SGCD: variants seen among roughly 807,000 people sequenced by gnomAD.
The protein encoded by SGCD is sarcoglycan delta, also known as delta-sarcoglycan.
In SGCD, 18 loss-of-function variants were observed where a neutral mutation model predicts 36.6. That is an observed-to-expected ratio of 0.49 (90% CI 0.34 to 0.73). The LOEUF (loss-of-function observed/expected upper bound fraction) is 0.73. Ranked by LOEUF, SGCD falls within the 30% of genes least tolerant of loss-of-function variation. SGCD has a pLI of 0.01. For missense variants in SGCD, 387 were observed against 346.7 expected (o/e 1.12, Z -0.92); for synonymous variants, 133 against 130.6 (o/e 1.02, Z -0.12).
intron 1 of SGCD, among the ~76,000 whole-genome samples, chr5:155,949,131 A>G (rs930196995): frequency 1.3e-5 from 2 of 152,178 alleles, no homozygotes; most frequent in Non-Finnish European, 2.9e-5. Flanking sequence ...CAAGATACAG[A>G]AAGACATCTA....
intron 3 of SGCD, among the ~76,000 whole-genome samples, chr5:156,236,194 T>C (rs1765159528): frequency 6.6e-6 from 1 of 152,202 alleles, no homozygotes; most frequent in Admixed American, 6.5e-5. Flanking sequence ...AATCATTTTT[T>C]TTTCTCAGAT....
chr5:156,285,089 T>A (rs1257177122), intron 3 of SGCD, among the ~76,000 whole-genome samples: 1 of 151,936 alleles, frequency 6.6e-6, no homozygotes, highest in Non-Finnish European at 1.5e-5. Context: ...TCAAAGACAA[T>A]AAAATACTTA....
chr5:155,962,499 T>C (rs998825939), intron 1 of SGCD, among the ~76,000 whole-genome samples: 3 of 152,094 alleles, frequency 2.0e-5, no homozygotes, highest in Non-Finnish European at 4.4e-5. Context: ...CCTTCTCCTA[T>C]GAGTCCTGCA....
intron 4 of SGCD, among the ~76,000 whole-genome samples, chr5:156,572,353 A>G (rs1759757327): frequency 6.6e-6 from 1 of 152,206 alleles, no homozygotes; most frequent in Non-Finnish European, 1.5e-5. Context: ...GCACCCTTTT[A>G]CATTCCCACC....
intron 1 of SGCD, among the ~76,000 whole-genome samples, chr5:156,020,869 T>G (rs1229457598): frequency 2.0e-5 from 3 of 152,248 alleles, no homozygotes; most frequent in African/African-American, 7.2e-5. Flanking sequence ...GCATTTGAAC[T>G]TCCTCCTAAC....
chr5:156,726,172 G>T (rs545301999), intron 7 of SGCD, among the ~76,000 whole-genome samples: 2 of 152,232 alleles, frequency 1.3e-5, no homozygotes, highest in South Asian at 4.1e-4. Context: ...AGAACTATTT[G>T]CATCTTGTTT....
chr5:156,602,949 C>T (rs1249333073), intron 6 of SGCD, among the ~76,000 whole-genome samples: 2 of 152,010 alleles, frequency 1.3e-5, no homozygotes, highest in African/African-American at 4.8e-5. Flanking sequence ...GTGATGCTGG[C>T]CTTGTAACAT....
intron 3 of SGCD, among the ~76,000 whole-genome samples, chr5:156,417,827 A>C (rs1773124483): frequency 6.6e-6 from 1 of 152,130 alleles, no homozygotes; most frequent in Admixed American, 6.5e-5. Flanking sequence ...AGGTATCTAC[A>C]CAGGAACTGA....
rs562373750 is a variant in SGCD at position 156,491,027 on chromosome 5, G to T, written c.193-17574G>T. ...TAAAATTTTTGTACAAAAATTAGAA[G>T]TATTTCTAAACACCAATAGAAAACT... On this transcript the variant is annotated intron_variant, in intron 3 of 8. Coordinates refer to ENST00000337851, the MANE Select transcript of SGCD (RefSeq NM_000337.6). Among the ~76,000 whole-genome samples the T allele has an allele frequency of 3.3e-5, 5 of 152,034 alleles. No homozygotes were observed. In the East Asian group the frequency reaches 5.8e-4, roughly 18 times the overall value.
chr5:156,180,092 A>G (rs973985647), intron 3 of SGCD, among the ~76,000 whole-genome samples: 12 of 152,234 alleles, frequency 7.9e-5, no homozygotes, highest in African/African-American at 2.9e-4. Flanking sequence ...CATGATCTTT[A>G]AAGGGAAACT....
intron 3 of SGCD, among the ~76,000 whole-genome samples, chr5:156,394,689 T>C (rs1236270819): frequency 1.3e-5 from 2 of 152,226 alleles, no homozygotes; most frequent in Non-Finnish European, 2.9e-5. Context: ...GTGTCTGCTT[T>C]TTTCCTTCCG....
In SGCD at chr5:156,226,233, C is replaced by T. The variant is rs542504141; in HGVS notation, c.-44+102214C>T. ...CCTCACCCCGACTCCCGCCCTTTCC[C>T]CCTGAGTCCGCAAAGTCCATTGTGT... On this transcript the variant is annotated intron_variant, in intron 3 of 9. Coordinates refer to the SGCD transcript ENST00000517913. 4.6e-5 allele frequency among the ~76,000 whole-genome samples: 7 copies of T among 152,164 alleles called. No individual in the cohort carries two copies. In the South Asian group the frequency reaches 1.2e-3, roughly 27 times the overall value.
rs1422774570 is a variant in SGCD at position 156,584,974 on chromosome 5, C to T, written c.295-4257C>T. ...TAATGGGTGCCAGGAATATGTGGGG[C>T]ACTAGAAAAGCTGGCAGTCCCCTTG... On this transcript the variant is annotated intron_variant, in intron 4 of 8. Transcript: ENST00000337851. Among the ~76,000 whole-genome samples, 4 of 152,144 alleles carry T rather than the reference C, an allele frequency of 2.6e-5. No individual in the cohort carries two copies. The East Asian group carries it at 7.7e-4, about 29-fold the overall frequency.
chr5:155,882,955 A>G (rs2113298830), intron 1 of SGCD, among the ~76,000 whole-genome samples: 1 of 152,314 alleles, frequency 6.6e-6, no homozygotes, highest in Admixed American at 6.5e-5. Context: ...GAAAATCCAT[A>G]CACTGTTTAG....
rs6872380 is a variant in SGCD at position 156,232,466 on chromosome 5, C to T, written c.-43-97068C>T. 8.5e-4 allele frequency among the ~76,000 whole-genome samples: 129 copies of T among 152,272 alleles called. 2 individuals are homozygous for T. Among genetic ancestry groups the T allele is most frequent in the African/African-American group, 3.0e-3 (126 of 41,552 alleles). On this transcript the variant is annotated intron_variant, in intron 3 of 9. Coordinates refer to the SGCD transcript ENST00000517913. ...TCCCTTGGGGCCACAAGTAGACAGT[C>T]GAAAACCCGTCTTATATTTGTGAGC...
chr5:156,347,938 A>T (rs1191730835), intron 3 of SGCD, among the ~76,000 whole-genome samples: 1 of 152,166 alleles, frequency 6.6e-6, no homozygotes, highest in Non-Finnish European at 1.5e-5. Context: ...ACTTACTGAG[A>T]TAAGAATAAT....
intron 1 of SGCD, among the ~76,000 whole-genome samples, chr5:156,070,022 G>T (rs984199661): frequency 1.1e-4 from 17 of 151,936 alleles, no homozygotes; most frequent in Admixed American, 9.2e-4. Flanking sequence ...AGCTTAAGGA[G>T]ATTTTGGGCT....
At chr5:156,068,215 G>T (rs914264927) in intron 1 of SGCD, among the ~76,000 whole-genome samples, 5 of 151,666 alleles carry the variant, frequency 3.3e-5, no homozygotes, top group Admixed American at 3.3e-4. Flanking sequence ...CTGGTGTGCT[G>T]CACCCATTAA....
chr5:155,763,286 G>T, the SGCD span, among the ~76,000 whole-genome samples: 1 of 152,134 alleles, frequency 6.6e-6, no homozygotes, highest in Non-Finnish European at 1.5e-5. Flanking sequence ...CTCTTAGAGG[G>T]CATATTATCT....
Sources: gnomAD v4.1 joint callset for allele counts (sites outside exome capture counted in the v4.1 genomes callset) on GRCh38, gnomAD v4.1.1 for gene constraint, MANE v1.5 for transcripts, NCBI Gene and HGNC (gene_info 2026-07-23, HGNC 2026-07-21) for gene names.